USP19: variants seen among roughly 807,000 people sequenced by gnomAD.
USP19 encodes the protein ubiquitin specific peptidase 19, also known as ubiquitin carboxyl-terminal hydrolase 19.
A neutral mutation model predicts 144.8 loss-of-function variants in USP19; 40 were observed. That is an observed-to-expected ratio of 0.28 (90% CI 0.21 to 0.36). USP19 has a LOEUF of 0.36. Ranked by LOEUF, USP19 falls within the 10% of genes least tolerant of loss-of-function variation. USP19 has a pLI of 1.00. For synonymous variants in USP19, 701 were observed against 709.3 expected, an observed-to-expected ratio of 0.99 and a Z score of 0.19; for missense variants, 1,518 against 1,822.5, an observed-to-expected ratio of 0.83 and a Z score of 3.04.
In USP19 at chr3:49,117,097, C is replaced by T. The variant is rs2107518815; in HGVS notation, c.871G>A (p.Gly291Ser). The T allele has an allele frequency of 1.3e-6, 2 of 1,524,290 alleles. No individual in the cohort carries two copies. The highest frequency in any genetic ancestry group is 1.4e-5 in the African/African-American group (1 of 72,030). The allele number at this position is 1,524,290 out of a possible 1,614,324, so 94.4% of individuals were successfully genotyped here. A position where few individuals can be genotyped will look rare whatever the true frequency, so the allele number is the denominator to read the frequency against. The change falls in exon 6 of 27, where the codon GGT becomes AGT. Residue 291 changes from glycine to serine, a missense_variant. Gly to Ser is a moderately conservative substitution (Grantham distance 56). Transcript: ENST00000417901. The surrounding 1 kb of genome is among the most constrained non-coding windows in gnomAD (Gnocchi z 4.4). ...DGSRDDPGPRGDAPPFVADPA... is the reference protein window; with the variant it reads ...DGSRDDPGPRSDAPPFVADPA... ...TCAGCCACGAAGGGTGGGGCATCAC[C>T]CCGGGGTCCAGGGTCATCCCTGGAC...
At position 49,115,138 on chromosome 3, in the gene USP19, G is replaced by A. The variant is rs780444128; in HGVS notation, c.2023-21C>T. Reference sequence around the variant, plus strand: ...ATGGCCTGGATACAGGAGCCAAGGTGTGAACATGAAGCCCTAGCACCCACT... The same window carrying A: ...ATGGCCTGGATACAGGAGCCAAGGTATGAACATGAAGCCCTAGCACCCACT... On this transcript the variant is annotated intron_variant, in intron 13 of 26. Coordinates refer to ENST00000417901, the MANE Select transcript of USP19 (RefSeq NM_001199161.2). The surrounding 1 kb of genome is among the most constrained non-coding windows in gnomAD (Gnocchi z 6.6). The A allele has an allele frequency of 1.2e-6, 2 of 1,613,222 alleles. No homozygotes were observed. Among genetic ancestry groups the A allele is most frequent in the East Asian group, 2.2e-5 (1 of 44,856 alleles).
rs1327622790 is a variant in USP19 at position 49,116,562 on chromosome 3, T to C, written c.1172A>G (p.Tyr391Cys). ...CACCACTGAATCCGGGCCCTTCTCA[T>C]ACGAGTCATTCTTGACAAACGCCAG... Reference protein sequence around the residue: ...VNLAFVKNDSYEKGPDSVVVH... With the variant: ...VNLAFVKNDSCEKGPDSVVVH... The change falls in exon 8 of 27, where the codon TAT becomes TGT. Residue 391 changes from tyrosine (Y) to cysteine (C), a missense_variant. By Grantham distance (194) the Tyr-to-Cys change is radical (BLOSUM62 -2). Transcript: ENST00000417901. This position sits in a 1 kb window ranked among gnomAD's most constrained non-coding sequence, Gnocchi z 5.0. 1.2e-6 allele frequency: 2 copies of C among 1,614,072 alleles called. No homozygotes were observed. Among genetic ancestry groups the C allele is most frequent in the Non-Finnish European group, 1.7e-6 (2 of 1,180,036 alleles).
rs1443322438 is a variant in USP19, at chr3:49,110,314, T to G, written c.3908A>C (p.Gln1303Pro). The change falls in exon 26 of 27, where the codon CAG becomes CCG. Residue 1303 changes from glutamine to proline, a missense_variant. Around this residue, in one of 5 missense-constraint regions of USP19, gnomAD observed 122 missense variants for 200.4 expected, o/e 0.61. Transcript: ENST00000417901. The surrounding 1 kb of genome is among the most constrained non-coding windows in gnomAD (Gnocchi z 6.1). ...TACATAGGCATAACGCGTCACAACC[T>G]GGCTCTCGTCTACCGTTGTCACTGT... Reference protein sequence around the residue: ...DSTVTTVDESQVVTRYAYVLF... With the variant: ...DSTVTTVDESPVVTRYAYVLF... The G allele has an allele frequency of 6.2e-7, 1 of 1,605,664 alleles. No homozygotes were observed. Among genetic ancestry groups the G allele is most frequent in the Non-Finnish European group, 8.5e-7 (1 of 1,174,646 alleles).
At position 49,117,249 on chromosome 3, in the gene USP19, T is replaced by C. The variant is rs1392973155; in HGVS notation, c.719A>G (p.Gln240Arg). 1 of 1,558,252 alleles carries C rather than the reference T, an allele frequency of 6.4e-7. No homozygotes were observed. Among genetic ancestry groups the C allele is most frequent in the African/African-American group, 1.4e-5 (1 of 73,354 alleles). ...GGCCCGCTTCTGGTTCCGGGCCTCC[T>C]GCTTAGCCCGGTGGGGCTCAGGGCC... is the stretch of plus-strand genomic sequence containing the variant. ...EPGPEPHRAKQEARNQKRAQG... is the reference protein window; with the variant it reads ...EPGPEPHRAKREARNQKRAQG... Residue 240 changes from glutamine (Q) to arginine (R), a missense_variant, in exon 6 of 27, where the codon CAG becomes CGG. Coordinates refer to ENST00000417901, the MANE Select transcript of USP19 (RefSeq NM_001199161.2). The surrounding 1 kb of genome is among the most constrained non-coding windows in gnomAD (Gnocchi z 4.4).
Position 49,111,476 on chromosome 3 carries a change from C to T in USP19, c.3217+24G>A. 1 of 1,611,856 alleles carries T rather than the reference C, an allele frequency of 6.2e-7. No individual in the cohort carries two copies. Among genetic ancestry groups the T allele is most frequent in the Non-Finnish European group, 8.5e-7 (1 of 1,179,554 alleles). ...CCTCCCTTATCCTCCTCCCCAGCTT[C>T]TAGAGCCTTTCACTGGATCTTACCT... On this transcript the variant is annotated intron_variant, in intron 21 of 26. Transcript: ENST00000417901. This position sits in a 1 kb window ranked among gnomAD's most constrained non-coding sequence, Gnocchi z 5.9.
chr3:49,114,509 T>C lies in USP19; in HGVS notation c.2293-225A>G, dbSNP rs1258700996. ...TACTCAGCTTAGCCACTTTACGAAT[T>C]GGCCTCACACTTGCACCCCATGTGC... is the stretch of plus-strand genomic sequence containing the variant. On this transcript the variant is annotated intron_variant, in intron 15 of 26. Coordinates refer to ENST00000417901, the MANE Select transcript of USP19 (RefSeq NM_001199161.2). The surrounding 1 kb of genome is among the most constrained non-coding windows in gnomAD (Gnocchi z 4.5). Among the ~76,000 whole-genome samples the C allele has an allele frequency of 2.0e-5, 3 of 152,192 alleles. No individual in the cohort carries two copies. Among genetic ancestry groups the C allele is most frequent in the African/African-American group, 7.2e-5 (3 of 41,432 alleles).
Position 49,117,301 on chromosome 3 carries a change from C to T in USP19, c.667G>A (p.Glu223Lys), listed in dbSNP as rs1025106832. 1 of 1,581,878 alleles carries T rather than the reference C, an allele frequency of 6.3e-7. No homozygotes were observed. The highest frequency in any genetic ancestry group is 8.6e-7 in the Non-Finnish European group (1 of 1,161,956). Reference sequence around the variant, plus strand: ...GGCTCCAGGGCAATGGGAGACAGTTCCTGCCCATTCTCCTGGCACCGCAGC... The same window carrying T: ...GGCTCCAGGGCAATGGGAGACAGTTTCTGCCCATTCTCCTGGCACCGCAGC... ...PGLRCQENGQELSPIALEPGP... is the reference protein window; with the variant it reads ...PGLRCQENGQKLSPIALEPGP... The change falls in exon 6 of 27, where the codon GAA becomes AAA. Residue 223 changes from glutamate to lysine, a missense_variant. By Grantham distance (56) the Glu-to-Lys change is moderately conservative (BLOSUM62 1). Transcript: ENST00000417901. This position sits in a 1 kb window ranked among gnomAD's most constrained non-coding sequence, Gnocchi z 4.4.
rs1256737239 is a variant in USP19, at chr3:49,117,319, A to G, written c.649T>C (p.Cys217Arg). The G allele has an allele frequency of 6.3e-7, 1 of 1,585,818 alleles. No homozygotes were observed. Among genetic ancestry groups the G allele is most frequent in the East Asian group, 2.3e-5 (1 of 44,348 alleles). Residue 217 changes from cysteine (C) to arginine (R), a missense_variant, in exon 6 of 27, where the codon TGC (cysteine) becomes CGC (arginine). By Grantham distance (180) the Cys-to-Arg change is radical. Transcript: ENST00000417901. The surrounding 1 kb of genome is among the most constrained non-coding windows in gnomAD (Gnocchi z 4.4). ...GTQELVPGLR[C>R]QENGQELSPI... ...GACAGTTCCTGCCCATTCTCCTGGC[A>G]CCGCAGCCCCGGCACCAGCTCCTGG...
rs1311096503 is a variant in USP19, at chr3:49,117,080, G to A, written c.888C>T (p.Phe296=). ...TCACCTGGGTGGCTGGGTCAGCCAC[G>A]AAGGGTGGGGCATCACCCCGGGGTC... is the stretch of plus-strand genomic sequence containing the variant. ...DPGPRGDAPP[F]VADPATQVEA... is the part of the protein sequence containing the mutation. Residue 296 remains phenylalanine, a synonymous_variant, in exon 6 of 27, where the codon TTC becomes TTT. Coordinates refer to ENST00000417901, the MANE Select transcript of USP19 (RefSeq NM_001199161.2). This position sits in a 1 kb window ranked among gnomAD's most constrained non-coding sequence, Gnocchi z 4.4. The A allele has an allele frequency of 3.3e-6, 5 of 1,519,010 alleles. No homozygotes were observed. The highest frequency in any genetic ancestry group is 2.2e-5 in the Admixed American group (1 of 46,070). The allele number at this position is 1,519,010 out of a possible 1,614,324, so 94.1% of individuals were successfully genotyped here. A position where few individuals can be genotyped will look rare whatever the true frequency, so the allele number is the denominator to read the frequency against.
rs1028765142 is a variant in USP19, at chr3:49,120,765, C to T, written c.-146G>A. The T allele has an allele frequency of 4.4e-6, 1 of 227,798 alleles. No homozygotes were observed. Among genetic ancestry groups the T allele is most frequent in the African/African-American group, 2.4e-5 (1 of 41,974 alleles). 14.1% of individuals were successfully genotyped at this position (227,798 alleles called of 1,614,324 possible). A position where few individuals can be genotyped will look rare whatever the true frequency, so the allele number is the denominator to read the frequency against. On this transcript the variant is annotated 5_prime_UTR_variant, in exon 1 of 27. Transcript: ENST00000417901. Reference sequence around the variant, plus strand: ...AGCCTGCTCCACTCACCGAGCGAGACCGCCGCAGCCAGCCCTCTTCGGGCC... The same window carrying T: ...AGCCTGCTCCACTCACCGAGCGAGATCGCCGCAGCCAGCCCTCTTCGGGCC...
rs774420666 is a variant in USP19, at chr3:49,118,172, G to C, written c.125-52C>G. On this transcript the variant is annotated intron_variant, in intron 2 of 26. Transcript: ENST00000417901. ...CAAGCATGGTGAGGAGGCTGAGGTA[G>C]GAGGACTGCTTGAGCCCAGGACTTT... The C allele has an allele frequency of 8.4e-6, 6 of 718,372 alleles. No individual in the cohort carries two copies. The South Asian group carries it at 1.1e-4, about 13-fold the overall frequency. 44.5% of individuals were successfully genotyped at this position (718,372 alleles called of 1,614,324 possible).
chr3:49,118,195 T>C, intron 2 of USP19, 75 bp from the exon 3 acceptor site: 1 of 625,434 alleles, frequency 1.6e-6, no homozygotes, highest in African/African-American at 1.9e-5. Flanking sequence ...AGCCCAGGAC[T>C]TTGAGGATGC....
rs990848210 is a variant in USP19, at chr3:49,114,474, C to G, written c.2293-190G>C. Among the ~76,000 whole-genome samples the G allele has an allele frequency of 2.0e-5, 3 of 152,204 alleles. No individual in the cohort carries two copies. Among genetic ancestry groups the G allele is most frequent in the Non-Finnish European group, 4.4e-5 (3 of 68,036 alleles). ...GAAATAACAATCCTTCTTTCTGGCA[C>G]TCAAAGCCCTACTCAGCTTAGCCAC... On this transcript the variant is annotated intron_variant, in intron 15 of 26. Transcript: ENST00000417901. The surrounding 1 kb of genome is among the most constrained non-coding windows in gnomAD (Gnocchi z 4.5).
At chr3:49,109,030 G>A (rs764377013) in intron 26 of USP19, 1 of 1,613,584 alleles carries the variant, frequency 6.2e-7, no homozygotes, top group Non-Finnish European at 8.5e-7. Flanking sequence ...CCGCCACGGT[G>A]CCCAGGACAA....
Position 49,114,726 on chromosome 3 carries a change from G to A in USP19, c.2292+37C>T. ...CTAATGTGACCAGAATAGCTGAGCT[G>A]AACTAGGGGGTCTCTTTCCAGGGGA... On this transcript the variant is annotated intron_variant, in intron 15 of 26. Coordinates refer to ENST00000417901, the MANE Select transcript of USP19 (RefSeq NM_001199161.2). This position sits in a 1 kb window ranked among gnomAD's most constrained non-coding sequence, Gnocchi z 4.5. 6.2e-7 allele frequency: 1 copy of A among 1,605,228 alleles called. No homozygotes were observed. The highest frequency in any genetic ancestry group is 8.5e-7 in the Non-Finnish European group (1 of 1,172,414).
rs754055929 is a variant in USP19, at chr3:49,117,795, G to C, written c.334C>G (p.Pro112Ala). ...CAATCGAGCAACAACTCTGGAGTGG[G>C]AGTAGCCAAGAGATCATGAGGGTCT... ...CEDPHDLLATPTPELLLDWRQ... is the reference protein window; with the variant it reads ...CEDPHDLLATATPELLLDWRQ... Residue 112 changes from proline to alanine, a missense_variant, in exon 4 of 27, where the codon CCC (proline) becomes GCC (alanine). Pro to Ala is a conservative substitution (Grantham distance 27, BLOSUM62 -1). Transcript: ENST00000417901. The surrounding 1 kb of genome is among the most constrained non-coding windows in gnomAD (Gnocchi z 4.4). 8.1e-6 allele frequency: 13 copies of C among 1,614,052 alleles called. No homozygotes were observed. In the South Asian group the frequency reaches 1.2e-4, roughly 15 times the overall value.
chr3:49,117,153 A>G lies in USP19; in HGVS notation c.815T>C (p.Val272Ala). The change falls in exon 6 of 27, where the codon GTG (valine) becomes GCG (alanine). Residue 272 changes from valine to alanine, a missense_variant. By Grantham distance (64) the Val-to-Ala change is moderately conservative. Transcript: ENST00000417901. The surrounding 1 kb of genome is among the most constrained non-coding windows in gnomAD (Gnocchi z 4.4). ...CCCCTCTGGCCCTCTGCAGAGATGC[A>G]CAGCCCTCTTGGCGCTGGGCCCTGC... ...AQAGPSAKRA[V>A]HLCRGPEGDG... 5.2e-6 allele frequency: 8 copies of G among 1,548,674 alleles called. No individual in the cohort carries two copies. The highest frequency in any genetic ancestry group is 7.0e-6 in the Non-Finnish European group (8 of 1,146,732).
chr3:49,113,907 G>T (rs35088758), intron 17 of USP19, 85 bp downstream of exon 17: 1 of 1,437,532 alleles, frequency 7.0e-7, no homozygotes, highest in Non-Finnish European at 9.7e-7. Context: ...GTGTATGTCT[G>T]TAGATGCCAA....
Position 49,112,053 on chromosome 3 carries a change from C to T in USP19, c.2766-5G>A, listed in dbSNP as rs370746227. ...CAGTGGGTTTTCTGGCAGAGCCTGA[C>T]GGGAAGAGGAAGACAAGGATAGGCC... is the stretch of plus-strand genomic sequence containing the variant. On this transcript the variant is annotated splice_region_variant and splice_polypyrimidine_tract_variant and intron_variant, in intron 19 of 26. Transcript: ENST00000417901. The surrounding 1 kb of genome is among the most constrained non-coding windows in gnomAD (Gnocchi z 4.9). 44 of 1,613,540 alleles carry T rather than the reference C, an allele frequency of 2.7e-5. No homozygotes were observed. Among genetic ancestry groups the T allele is most frequent in the Admixed American group, 3.3e-5 (2 of 59,930 alleles).
Sources: allele counts gnomAD v4.1 joint callset (sites outside exome capture counted in the v4.1 genomes callset), GRCh38; gene constraint gnomAD v4.1.1; regional missense constraint gnomAD v4.1.1; non-coding constraint Gnocchi (gnomAD v3.1); transcripts MANE v1.5; gene names NCBI Gene and HGNC (gene_info 2026-07-23, HGNC 2026-07-21).